The following HIVEP3 variants were observed in gnomAD, a reference collection of about 807,000 sequenced individuals.
HIVEP3 encodes the protein HIVEP zinc finger 3.
A neutral mutation model predicts 152.8 loss-of-function variants in HIVEP3; 49 were observed. That is an observed-to-expected ratio of 0.32 (90% confidence interval 0.26 to 0.41). HIVEP3 has a LOEUF of 0.41. Among genes scored for constraint, HIVEP3 ranks in the 10% least tolerant of loss-of-function variants. The pLI is 1.00. For missense variants in HIVEP3, 2,790 were observed against 3,103.3 expected (o/e 0.90, Z 2.40); for synonymous variants, 1,269 against 1,289.0 (o/e 0.98, Z 0.33).
At chr1:41,782,624 C>T (rs1196643525) in intron 1 of HIVEP3, among the ~76,000 whole-genome samples, 5 of 150,484 alleles carry the variant, frequency 3.3e-5, no homozygotes, top group South Asian at 2.1e-4. Context: ...CCCAGCTATT[C>T]GGGAGGCTGA....
chr1:41,993,180 A>G (rs571173952), intron 1 of HIVEP3, among the ~76,000 whole-genome samples: 2,454 of 150,096 alleles, frequency 0.016, 48 homozygotes, highest in African/African-American at 0.057. Flanking sequence ...GCTTCTGTAC[A>G]GCAAAAGAAA....
intron 1 of HIVEP3, among the ~76,000 whole-genome samples, chr1:41,940,820 T>G: frequency 7.0e-6 from 1 of 142,950 alleles, no homozygotes; most frequent in South Asian, 2.2e-4. Flanking sequence ...AGAGAGAGGA[T>G]AAAGAGAGAA....
At chr1:41,894,190 A>G (rs1255825747) in intron 1 of HIVEP3, among the ~76,000 whole-genome samples, 1 of 152,172 alleles carries the variant, frequency 6.6e-6, no homozygotes, top group Non-Finnish European at 1.5e-5. Flanking sequence ...CAGTTCATAC[A>G]TATTAACTCA....
At chr1:41,589,013 G>A (rs1241985835) in intron 3 of HIVEP3, among the ~76,000 whole-genome samples, 6 of 152,344 alleles carry the variant, frequency 3.9e-5, no homozygotes, top group African/African-American at 1.2e-4. Context: ...GGCATAAACC[G>A]AAGGACCGTT....
At chr1:41,782,581 A>C (rs1302940098) in intron 1 of HIVEP3, among the ~76,000 whole-genome samples, 1 of 151,956 alleles carries the variant, frequency 6.6e-6, no homozygotes, top group Non-Finnish European at 1.5e-5. Flanking sequence ...AAAATACAAA[A>C]ATTAGCTGGG....
At chr1:41,978,153 T>C (rs1645271599) in intron 1 of HIVEP3, among the ~76,000 whole-genome samples, 1 of 152,174 alleles carries the variant, frequency 6.6e-6, no homozygotes, top group Non-Finnish European at 1.5e-5. Context: ...GCACTTCCCT[T>C]ACTTGGCTGG....
At position 41,662,049 on chromosome 1, in the gene HIVEP3, C is replaced by G. The variant is rs1248632723; in HGVS notation, c.-720-33102G>C. 6.6e-6 allele frequency: 1 copy of G among 151,880 alleles called. No homozygotes were observed. Among genetic ancestry groups the G allele is most frequent in the Non-Finnish European group, 1.5e-5 (1 of 67,942 alleles). 9.4% of individuals were successfully genotyped at this position (151,880 alleles called of 1,614,324 possible). ...TCCCACCGACGCGGCTCCCTCCGGT[C>G]CCTCTGCCGCCCGCTCGGCGGTGCC... On this transcript the variant is annotated intron_variant, in intron 2 of 8. Coordinates refer to ENST00000372583, the MANE Select transcript of HIVEP3 (RefSeq NM_024503.5). The surrounding 1 kb of genome is among the most constrained non-coding windows in gnomAD (Gnocchi z 7.2).
chr1:42,031,555 C>T (rs1265037670), intron 1 of HIVEP3, among the ~76,000 whole-genome samples: 2 of 152,168 alleles, frequency 1.3e-5, no homozygotes, highest in African/African-American at 4.8e-5. Context: ...GGTTTCTACC[C>T]ATTTGATGCC....
intron 5 of HIVEP3, among the ~76,000 whole-genome samples, chr1:41,573,706 C>A (rs1030319527): frequency 1.3e-5 from 2 of 152,120 alleles, no homozygotes; most frequent in Non-Finnish European, 2.9e-5. Flanking sequence ...ATGTTATTTT[C>A]CCCCTTTTAC....
At chr1:41,807,167 C>T (rs1443085691) in intron 1 of HIVEP3, among the ~76,000 whole-genome samples, 1 of 152,184 alleles carries the variant, frequency 6.6e-6, no homozygotes, top group Non-Finnish European at 1.5e-5. Flanking sequence ...AGCTCAGCTC[C>T]CAGCTCCCAG....
chr1:41,813,656 AG>A (rs1377532800), intron 1 of HIVEP3, among the ~76,000 whole-genome samples: 5 of 152,246 alleles, frequency 3.3e-5, no homozygotes, highest in South Asian at 2.1e-4. Flanking sequence ...AAAGCCATCA[AG>A]TAGGAGGGAC....
At chr1:41,539,260 GCT>G (rs1643471815) in intron 5 of HIVEP3, among the ~76,000 whole-genome samples, 1 of 152,130 alleles carries the variant, frequency 6.6e-6, no homozygotes. Flanking sequence ...CTTCTGGGCA[GCT>G]CTCTCACTAT....
chr1:41,646,089 G>T (rs1263648349), intron 2 of HIVEP3, among the ~76,000 whole-genome samples: 1 of 152,110 alleles, frequency 6.6e-6, no homozygotes, highest in Non-Finnish European at 1.5e-5. Context: ...AGGAGAAGGG[G>T]GCTTCCAGGC....
chr1:41,889,641 G>A (rs1251200920), intron 1 of HIVEP3, among the ~76,000 whole-genome samples: 1 of 152,150 alleles, frequency 6.6e-6, no homozygotes, highest in Admixed American at 6.5e-5. Flanking sequence ...AGCCCGGCAG[G>A]GTGGGCCTTC....
intron 2 of HIVEP3, among the ~76,000 whole-genome samples, chr1:41,699,003 C>G (rs1293832289): frequency 6.6e-6 from 1 of 152,212 alleles, no homozygotes; most frequent in Non-Finnish European, 1.5e-5. Context: ...GAAAGTCAAG[C>G]CCGCTGGCCT....
chr1:41,623,568 A>C (rs964068465), intron 3 of HIVEP3, among the ~76,000 whole-genome samples: 4 of 152,164 alleles, frequency 2.6e-5, no homozygotes, highest in South Asian at 2.1e-4. Context: ...CATGGCCTCC[A>C]AAAACCACCA....
intron 5 of HIVEP3, among the ~76,000 whole-genome samples, chr1:41,550,380 A>G (rs1643881870): frequency 6.6e-6 from 1 of 151,948 alleles, no homozygotes; most frequent in Admixed American, 6.6e-5. Context: ...GTTCTATATG[A>G]ACTTTAGTTT....
chr1:41,636,217 T>C (rs1406139229), intron 2 of HIVEP3, among the ~76,000 whole-genome samples: 1 of 151,916 alleles, frequency 6.6e-6, no homozygotes, highest in Non-Finnish European at 1.5e-5. Flanking sequence ...GTGGCAGGTG[T>C]TACAATGAAA....
chr1:41,944,516 T>C (rs1197185798), intron 1 of HIVEP3, among the ~76,000 whole-genome samples: 1 of 152,176 alleles, frequency 6.6e-6, no homozygotes, highest in Non-Finnish European at 1.5e-5. Context: ...GGAATGCATC[T>C]TGACGGGGCA....
Sources: gnomAD v4.1 joint callset for allele counts (sites outside exome capture counted in the v4.1 genomes callset) on GRCh38, gnomAD v4.1.1 for gene constraint, Gnocchi (gnomAD v3.1) non-coding constraint, MANE v1.5 for transcripts, NCBI Gene and HGNC (gene_info 2026-07-23, HGNC 2026-07-21) for gene names.